ZC3H18: variants seen among roughly 807,000 people sequenced by gnomAD.
ZC3H18 encodes the protein zinc finger CCCH domain-containing protein 18.
A neutral mutation model predicts 106.1 loss-of-function variants in ZC3H18; 8 were observed. The observed-to-expected ratio is 0.08, with a 90% CI of 0.04 to 0.14. ZC3H18 has a LOEUF of 0.14. Ranked by LOEUF, ZC3H18 falls within the 10% of genes least tolerant of loss-of-function variation. ZC3H18 has a pLI of 1.00. For missense variants in ZC3H18, 1,318 were observed against 1,278.4 expected, an observed-to-expected ratio of 1.03 and a Z score of -0.47; for synonymous variants, 635 against 522.1, an observed-to-expected ratio of 1.22 and a Z score of -2.95.
chr16:88,611,649 G>A (rs1341733947), intron 8 of ZC3H18, 113 bp downstream of exon 8: 6 of 1,436,822 alleles, frequency 4.2e-6, no homozygotes, highest in Non-Finnish European at 5.5e-6. Context: ...TGGAGCCCAG[G>A]GGACCAGTGC....
intron 3 of ZC3H18, 139 bp downstream of exon 3, chr16:88,586,823 GGT>G: frequency 7.8e-6 from 5 of 644,926 alleles, no homozygotes; most frequent in Non-Finnish European, 8.3e-6. Flanking sequence ...TGGTGGTGGT[GGT>G]GGTGGTGGTG....
At chr16:88,609,100 C>G in intron 7 of ZC3H18, 49 bp downstream of exon 7, 2 of 1,428,638 alleles carry the variant, frequency 1.4e-6, no homozygotes, top group Non-Finnish European at 2.0e-6. Flanking sequence ...TCTGTTCATT[C>G]AAGTTATCCC....
At chr16:88,585,721 G>A (rs1352526557) in intron 2 of ZC3H18, among the ~76,000 whole-genome samples, 1 of 152,124 alleles carries the variant, frequency 6.6e-6, no homozygotes, top group African/African-American at 2.4e-5. Flanking sequence ...GGGAATGAGA[G>A]AGGTCAGTTA....
chr16:88,593,994 C>T (rs187140209), intron 3 of ZC3H18, among the ~76,000 whole-genome samples: 293 of 152,292 alleles, frequency 1.9e-3, no homozygotes, highest in Non-Finnish European at 3.6e-3. Context: ...TTGCAGCTCG[C>T]TGTAAGGAGC....
At chr16:88,592,567 C>T (rs1443432314) in intron 3 of ZC3H18, among the ~76,000 whole-genome samples, 1 of 152,136 alleles carries the variant, frequency 6.6e-6, no homozygotes, top group Non-Finnish European at 1.5e-5. Context: ...CTCCACCTCC[C>T]GGGTTCAAAC....
intron 2 of ZC3H18, among the ~76,000 whole-genome samples, chr16:88,582,256 G>A (rs1450680796): frequency 1.0e-4 from 10 of 95,962 alleles, no homozygotes; most frequent in Non-Finnish European, 1.7e-4. Context: ...ATGGAGTCTT[G>A]CTCTGTTGCC....
chr16:88,587,266 C>T (rs1165270116), intron 3 of ZC3H18, among the ~76,000 whole-genome samples: 1 of 152,124 alleles, frequency 6.6e-6, no homozygotes, highest in African/African-American at 2.4e-5. Flanking sequence ...TAAAATGTGG[C>T]AGAACTCTAG....
At chr16:88,613,262 A>C (rs977832202) in intron 8 of ZC3H18, among the ~76,000 whole-genome samples, 9 of 152,124 alleles carry the variant, frequency 5.9e-5, no homozygotes, top group Admixed American at 3.9e-4. Flanking sequence ...TCGTCTGTTG[A>C]TGGACGTTGG....
Position 88,631,479 on chromosome 16 carries a change from C to A in ZC3H18, c.*180C>A, listed in dbSNP as rs541189156. 1.2e-6 allele frequency: 1 copy of A among 820,404 alleles called. No individual in the cohort carries two copies. Among genetic ancestry groups the A allele is most frequent in the Non-Finnish European group, 1.9e-6 (1 of 514,278 alleles). 50.8% of individuals were successfully genotyped at this position (820,404 alleles called of 1,614,324 possible). A position where few individuals can be genotyped will look rare whatever the true frequency, so the allele number is the denominator to read the frequency against. On this transcript the variant is annotated 3_prime_UTR_variant, in exon 18 of 18. Coordinates refer to ENST00000301011, the MANE Select transcript of ZC3H18 (RefSeq NM_144604.4). ...TGACAACGACGCTGAATCCCAGCCT[C>A]CCTCCCCAGAGCAGAAGTCCCGCAG...
intron 16 of ZC3H18, 106 bp downstream of exon 16, chr16:88,628,960 C>T (rs1906495142): frequency 3.7e-6 from 4 of 1,095,600 alleles, no homozygotes; most frequent in Non-Finnish European, 4.0e-6. Context: ...GAGGAGGGTC[C>T]AGAGAACATC....
chr16:88,622,523 A>C (rs557241078), intron 9 of ZC3H18, 135 bp downstream of exon 9: 7 of 966,286 alleles, frequency 7.2e-6, no homozygotes, highest in African/African-American at 1.6e-5. Flanking sequence ...CAGACCAGTC[A>C]GTGGGACTAA....
chr16:88,623,927 C>T (rs375290772), intron 10 of ZC3H18, 31 bp from the exon 11 acceptor site: 3 of 1,583,478 alleles, frequency 1.9e-6, no homozygotes, highest in South Asian at 1.1e-5. Context: ...CACCCCCAGG[C>T]CCCTTCCGAC....
At chr16:88,610,405 T>G (rs969339713) in intron 7 of ZC3H18, among the ~76,000 whole-genome samples, 1 of 152,154 alleles carries the variant, frequency 6.6e-6, no homozygotes, top group Non-Finnish European at 1.5e-5. Flanking sequence ...GATGCTCTTG[T>G]GCCCCGTCTC....
intron 16 of ZC3H18, chr16:88,630,226 T>G (rs1231176374): frequency 2.3e-6 from 1 of 436,644 alleles, no homozygotes; most frequent in Non-Finnish European, 4.1e-6. Flanking sequence ...AGGAAGGAGT[T>G]TTGTCTCTCT....
intron 3 of ZC3H18, among the ~76,000 whole-genome samples, chr16:88,592,071 A>G (rs7196730): frequency 0.012 from 1,796 of 151,974 alleles, 46 homozygotes; most frequent in African/African-American, 0.041. Flanking sequence ...TGGTGGTTGT[A>G]TGTTTCATGT....
At chr16:88,591,590 T>G (rs1597331335) in intron 3 of ZC3H18, among the ~76,000 whole-genome samples, 2 of 151,818 alleles carry the variant, frequency 1.3e-5, no homozygotes, top group African/African-American at 4.8e-5. Flanking sequence ...AAAAAAAAGA[T>G]TGACCAATAT....
intron 11 of ZC3H18, 41 bp from the exon 12 acceptor site, chr16:88,624,561 G>A (rs767196897): frequency 1.3e-5 from 21 of 1,612,246 alleles, no homozygotes; most frequent in East Asian, 2.2e-5. Context: ...GCGGGGCCCC[G>A]TCCACCAGCC....
chr16:88,630,985 C>T (rs1906651207), intron 17 of ZC3H18, 116 bp from the exon 18 acceptor site: 3 of 1,335,820 alleles, frequency 2.2e-6, no homozygotes, highest in South Asian at 2.5e-5. Flanking sequence ...CAGGGAGCCC[C>T]TTGCCTGTCC....
At chr16:88,572,654 C>G (rs1449091136) in intron 1 of ZC3H18, among the ~76,000 whole-genome samples, 2 of 152,052 alleles carry the variant, frequency 1.3e-5, no homozygotes, top group Non-Finnish European at 2.9e-5. Context: ...AAACTGAGCA[C>G]AAATTGCAAA....
Sources: allele counts gnomAD v4.1 joint callset (sites outside exome capture counted in the v4.1 genomes callset), GRCh38; gene constraint gnomAD v4.1.1; transcripts MANE v1.5; gene names NCBI Gene and HGNC (gene_info 2026-07-23, HGNC 2026-07-21).